The following PDE5A variants were observed in gnomAD, a reference collection of about 807,000 sequenced individuals.
PDE5A encodes phosphodiesterase 5A.
A neutral mutation model predicts 110.2 loss-of-function variants in PDE5A; 67 were observed. The observed-to-expected ratio is 0.61, with a 90% CI of 0.50 to 0.75. PDE5A has a LOEUF of 0.75. Ranked by LOEUF, PDE5A falls within the 30% of genes least tolerant of loss-of-function variation. The pLI, the probability that PDE5A is intolerant of heterozygous loss-of-function variation, is 0.00. For synonymous variants in PDE5A, 328 were observed against 351.2 expected (o/e 0.93, Z 0.74); for missense variants, 862 against 1,045.1 (o/e 0.82, Z 2.42).
chr4:119,565,187 C>T, intron 5 of PDE5A, 134 bp downstream of exon 5: 2 of 627,422 alleles, frequency 3.2e-6, no homozygotes, highest in Non-Finnish European at 5.7e-6. Flanking sequence ...CAAATGACTA[C>T]TAGAAAAAAT....
chr4:119,533,122 T>C (rs1726605148), intron 11 of PDE5A, among the ~76,000 whole-genome samples: 1 of 152,196 alleles, frequency 6.6e-6, no homozygotes, highest in African/African-American at 2.4e-5. Context: ...TGCTCCTTGG[T>C]ATTTATTCAA....
intron 7 of PDE5A, among the ~76,000 whole-genome samples, chr4:119,555,376 G>A (rs758201323): frequency 2.6e-5 from 4 of 152,052 alleles, no homozygotes; most frequent in Non-Finnish European, 5.9e-5. Context: ...CACTCCTGAG[G>A]TCCTACTTCA....
chr4:119,625,247 T>C (rs1051076915), intron 1 of PDE5A, among the ~76,000 whole-genome samples: 3 of 152,164 alleles, frequency 2.0e-5, no homozygotes, highest in Non-Finnish European at 4.4e-5. Flanking sequence ...TCTGCCCGCC[T>C]CGGCCTCCCA....
At chr4:119,616,533 A>G (rs1729949029) in intron 1 of PDE5A, among the ~76,000 whole-genome samples, 1 of 152,208 alleles carries the variant, frequency 6.6e-6, no homozygotes, top group Non-Finnish European at 1.5e-5. Context: ...GTCATTAAGC[A>G]TAATGTTTAA....
intron 17 of PDE5A, among the ~76,000 whole-genome samples, chr4:119,504,975 C>T (rs1431337064): frequency 1.3e-5 from 2 of 151,960 alleles, no homozygotes; most frequent in Non-Finnish European, 2.9e-5. Flanking sequence ...CATTAAAGTA[C>T]AACATCAGGT....
At chr4:119,574,284 G>A (rs1728248074) in intron 3 of PDE5A, among the ~76,000 whole-genome samples, 1 of 140,010 alleles carries the variant, frequency 7.1e-6, no homozygotes, top group Non-Finnish European at 1.5e-5. Flanking sequence ...CCGGGTTCAA[G>A]CAATTCTCCT....
intron 1 of PDE5A, among the ~76,000 whole-genome samples, chr4:119,614,856 T>G (rs533756385): frequency 1.1e-4 from 16 of 152,146 alleles, no homozygotes; most frequent in Non-Finnish European, 1.8e-4. Context: ...GATGTGTGAC[T>G]AGCACTAAGC....
chr4:119,502,722 A>T, intron 18 of PDE5A, 67 bp from the exon 19 acceptor site: 1 of 1,011,042 alleles, frequency 9.9e-7, no homozygotes, highest in Non-Finnish European at 1.6e-6. Flanking sequence ...AGAGACCGTG[A>T]ATGAAGGCCC....
intron 3 of PDE5A, among the ~76,000 whole-genome samples, chr4:119,588,294 TGAGCCTCCCGAGCAGCTGG>T (rs1374266513): frequency 6.6e-6 from 1 of 151,736 alleles, no homozygotes; most frequent in African/African-American, 2.4e-5. Flanking sequence ...CTCTCCTGTG[TGAGCCTCCCGAGCAGCTGG>T]GATTGCAGGC....
At position 119,519,078 on chromosome 4, in the gene PDE5A, T is replaced by C. The variant is rs779240405; in HGVS notation, c.1967A>G (p.Asp656Gly). Residue 656 changes from aspartate to glycine, a missense_variant, in exon 14 of 21, where the codon GAT becomes GGT. Physicochemically the swap from Asp to Gly is moderately conservative, Grantham distance 94. Transcript: ENST00000354960. The part of the protein sequence containing the change: ...LLIAALSHDL[D>G]HRGVNNSYIQ... ...GTAAGAGTTATTCACACCACGGTGA[T>C]CCAAATCGTGGCTTAGTGCAGCAAT... 6 of 1,613,768 alleles carry C rather than the reference T, an allele frequency of 3.7e-6. No homozygotes were observed. The highest frequency in any genetic ancestry group is 5.1e-6 in the Non-Finnish European group (6 of 1,179,688).
At chr4:119,546,813 C>A (rs1187638209) in intron 9 of PDE5A, among the ~76,000 whole-genome samples, 1 of 152,024 alleles carries the variant, frequency 6.6e-6, no homozygotes, top group Non-Finnish European at 1.5e-5. Flanking sequence ...ACATATATTT[C>A]TGGCCAAGTT....
At chr4:119,537,125 T>C (rs1394404713) in intron 11 of PDE5A, among the ~76,000 whole-genome samples, 1 of 152,160 alleles carries the variant, frequency 6.6e-6, no homozygotes, top group Non-Finnish European at 1.5e-5. Flanking sequence ...CACTGACTCC[T>C]GTGCCTCCGC....
At position 119,541,120 on chromosome 4, in the gene PDE5A, T is replaced by C. The variant is rs1006046403; in HGVS notation, c.1572+1339A>G. ...TGGATGGAGTGATAATGGTCATGGG[T>C]TGATAATTACTGAATGGATGATGAG... On this transcript the variant is annotated intron_variant, in intron 10 of 20. Coordinates refer to ENST00000354960, the MANE Select transcript of PDE5A (RefSeq NM_001083.4). Among the ~76,000 whole-genome samples, 86 of 151,888 alleles carry C rather than the reference T, an allele frequency of 5.7e-4. 3 individuals carry two copies. The highest frequency in any genetic ancestry group is 2.9e-4 in the Non-Finnish European group (20 of 67,956).
chr4:119,502,695 A>G (rs200774324), intron 18 of PDE5A, 40 bp from the exon 19 acceptor site: 81 of 1,302,408 alleles, frequency 6.2e-5, no homozygotes, highest in Admixed American at 8.7e-5. Flanking sequence ...AATGAAAAGC[A>G]TATCATTCTT....
intron 1 of PDE5A, among the ~76,000 whole-genome samples, chr4:119,617,225 G>T (rs1729972984): frequency 6.6e-6 from 1 of 151,734 alleles, no homozygotes; most frequent in South Asian, 2.1e-4. Context: ...TGGGTTTTTA[G>T]AAATTTTCCA....
intron 2 of PDE5A, among the ~76,000 whole-genome samples, chr4:119,605,305 A>G (rs767378896): frequency 2.0e-5 from 3 of 151,972 alleles, no homozygotes. Flanking sequence ...AATTTATTCA[A>G]TTTATTCAAA....
intron 2 of PDE5A, among the ~76,000 whole-genome samples, chr4:119,599,966 T>C (rs1578814500): frequency 6.6e-6 from 1 of 152,178 alleles, no homozygotes; most frequent in East Asian, 1.9e-4. Flanking sequence ...TTTTTTAAAA[T>C]ATTGAAAGAA....
intron 14 of PDE5A, among the ~76,000 whole-genome samples, chr4:119,515,265 TG>T (rs1725871315): frequency 6.6e-6 from 1 of 152,194 alleles, no homozygotes; most frequent in Non-Finnish European, 1.5e-5. Context: ...CATGATTTTG[TG>T]CTGTGTGTAG....
intron 10 of PDE5A, chr4:119,539,220 T>A (rs1726835846): frequency 1.8e-6 from 1 of 541,104 alleles, no homozygotes; most frequent in African/African-American, 1.9e-5. Flanking sequence ...CAAAAAGTTA[T>A]ACTCCCTATG....
Sources: gnomAD v4.1 joint callset for allele counts (sites outside exome capture counted in the v4.1 genomes callset) on GRCh38, gnomAD v4.1.1 for gene constraint, MANE v1.5 for transcripts, NCBI Gene and HGNC (gene_info 2026-07-23, HGNC 2026-07-21) for gene names.